The following GRM7 variants were observed in gnomAD, a reference collection of about 807,000 sequenced individuals.
The protein encoded by GRM7 is glutamate metabotropic receptor 7, also known as metabotropic glutamate receptor 7.
Under a neutral mutation model 84.5 loss-of-function variants are expected in GRM7, and 35 were observed. The ratio of observed to expected loss-of-function variants is 0.41; its 90% CI spans 0.32 to 0.55. The LOEUF (loss-of-function observed/expected upper bound fraction) is 0.55. Among genes scored for constraint, GRM7 ranks in the 20% least tolerant of loss-of-function variants. The pLI, the probability that GRM7 is intolerant of heterozygous loss-of-function variation, is 0.19. For synonymous variants in GRM7, 487 were observed against 455.1 expected (o/e 1.07, Z -0.89); for missense variants, 1,003 against 1,194.6 (o/e 0.84, Z 2.36).
chr3:6,986,142 G>A (rs573620702), intron 1 of GRM7, among the ~76,000 whole-genome samples: 10 of 152,116 alleles, frequency 6.6e-5, no homozygotes, highest in South Asian at 2.1e-4. Context: ...TTAGTAACAC[G>A]GTATTATGCA....
At chr3:7,094,358 C>G (rs1165915188) in intron 1 of GRM7, among the ~76,000 whole-genome samples, 1 of 152,064 alleles carries the variant, frequency 6.6e-6, no homozygotes, top group African/African-American at 2.4e-5. Context: ...GATTATGGCA[C>G]AATATCATTT....
intron 1 of GRM7, among the ~76,000 whole-genome samples, chr3:6,979,970 AAAC>A (rs1694135282): frequency 6.6e-6 from 1 of 152,196 alleles, no homozygotes; most frequent in Non-Finnish European, 1.5e-5. Context: ...CATATGAATA[AAAC>A]ATATAATTGC....
chr3:7,631,379 C>T (rs910430679), intron 8 of GRM7, among the ~76,000 whole-genome samples: 6 of 152,108 alleles, frequency 3.9e-5, no homozygotes, highest in Non-Finnish European at 8.8e-5. Flanking sequence ...ACAGAGACCA[C>T]CACAGGAGAA....
intron 5 of GRM7, 61 bp from the exon 6 acceptor site, chr3:7,452,546 C>A: frequency 8.8e-7 from 1 of 1,137,154 alleles, no homozygotes; most frequent in Non-Finnish European, 1.3e-6. Flanking sequence ...GGACATTCTA[C>A]TCAATGCCAA....
intron 6 of GRM7, among the ~76,000 whole-genome samples, chr3:7,453,886 G>A (rs982549576): frequency 3.3e-5 from 5 of 152,072 alleles, no homozygotes; most frequent in African/African-American, 9.7e-5. Context: ...CCAGGATATG[G>A]GGCAGGACCC....
chr3:7,680,289 C>T lies in GRM7; in HGVS notation c.2692C>T (p.Pro898Ser), dbSNP rs748216719. Residue 898 changes from proline (P) to serine (S), a missense_variant, in exon 9 of 10, where the codon CCA becomes TCA. Pro to Ser is a moderately conservative substitution (Grantham distance 74, BLOSUM62 -1). Transcript: ENST00000357716. The part of the protein sequence containing the change: ...AKTELCENVD[P>S]NSPAAKKKYV... Reference sequence around the variant, plus strand: ...GACCGAGCTCTGTGAAAACGTAGACCCAAACAGTAAGTAACTCTCCGTTTC... The same window carrying T: ...GACCGAGCTCTGTGAAAACGTAGACTCAAACAGTAAGTAACTCTCCGTTTC... 4.3e-6 allele frequency: 7 copies of T among 1,614,084 alleles called. No individual in the cohort carries two copies. In the South Asian group the frequency reaches 6.6e-5, roughly 15 times the overall value.
chr3:6,902,184 C>G (rs1401909897), intron 1 of GRM7, among the ~76,000 whole-genome samples: 1 of 152,188 alleles, frequency 6.6e-6, no homozygotes, highest in Non-Finnish European at 1.5e-5. Context: ...TACCGTGAAG[C>G]ACATACTTCT....
intron 8 of GRM7, among the ~76,000 whole-genome samples, chr3:7,633,182 C>T (rs1391229944): frequency 1.3e-5 from 2 of 152,196 alleles, no homozygotes; most frequent in Non-Finnish European, 2.9e-5. Context: ...AATTTGTGGC[C>T]AGGTGCTGCC....
At chr3:6,971,587 G>T (rs189432233) in intron 1 of GRM7, among the ~76,000 whole-genome samples, 29 of 152,322 alleles carry the variant, frequency 1.9e-4, no homozygotes, top group African/African-American at 6.7e-4. Context: ...TATAGTAAAA[G>T]AGTGTAATAT....
In GRM7 at chr3:7,367,283, A is replaced by G. The variant is rs907287695; in HGVS notation, c.1034-47740A>G. On this transcript the variant is annotated intron_variant, in intron 4 of 9. Transcript: ENST00000357716. ...TTGCTTATTCTGTATGTACGACACC[A>G]TTGCTATATTTCCAGTGATTTTTTT... 1.1e-4 allele frequency among the ~76,000 whole-genome samples: 17 copies of G among 151,720 alleles called. 1 individual carries two copies. The highest frequency in any genetic ancestry group is 4.1e-4 in the African/African-American group (17 of 41,464).
chr3:7,483,189 G>C (rs1423910060), intron 7 of GRM7, among the ~76,000 whole-genome samples: 1 of 152,160 alleles, frequency 6.6e-6, no homozygotes, highest in Non-Finnish European at 1.5e-5. Flanking sequence ...TGAGGTTTCT[G>C]ATCATATGGA....
At position 7,336,408 on chromosome 3, in the gene GRM7, C is replaced by T. The variant is rs916340454; in HGVS notation, c.1033+29756C>T. Among the ~76,000 whole-genome samples, 7 of 151,954 alleles carry T rather than the reference C, an allele frequency of 4.6e-5. No homozygotes were observed. In the South Asian group the frequency reaches 1.0e-3, roughly 23 times the overall value. Reference sequence around the variant, plus strand: ...GGACATACCTTAAGGTAATAAAAGCCATCTGTGACAAACCCACAGTCAACA... The same window carrying T: ...GGACATACCTTAAGGTAATAAAAGCTATCTGTGACAAACCCACAGTCAACA... On this transcript the variant is annotated intron_variant, in intron 4 of 9. Transcript: ENST00000357716.
At chr3:7,679,584 T>C (rs1467954069) in intron 8 of GRM7, among the ~76,000 whole-genome samples, 2 of 152,126 alleles carry the variant, frequency 1.3e-5, no homozygotes, top group South Asian at 2.1e-4. Flanking sequence ...GAAAACAATA[T>C]AAAAAGAGAC....
intron 1 of GRM7, among the ~76,000 whole-genome samples, chr3:6,922,422 T>C (rs1432449121): frequency 6.6e-6 from 1 of 152,238 alleles, no homozygotes; most frequent in East Asian, 1.9e-4. Context: ...TCTCCAACTG[T>C]AATACTTCAT....
chr3:7,558,512 G>T (rs770338027), intron 7 of GRM7, among the ~76,000 whole-genome samples: 3 of 152,060 alleles, frequency 2.0e-5, no homozygotes, highest in Non-Finnish European at 4.4e-5. Flanking sequence ...ATTTATCCCA[G>T]TGTGAGGGAA....
chr3:6,945,669 A>G (rs1042892307), intron 1 of GRM7, among the ~76,000 whole-genome samples: 3 of 152,114 alleles, frequency 2.0e-5, no homozygotes, highest in African/African-American at 7.2e-5. Flanking sequence ...ACTAGTTTAC[A>G]GTCCCACCAA....
At position 7,452,755 on chromosome 3, in the gene GRM7, G is replaced by C. The variant is rs1697826998; in HGVS notation, c.1323G>C (p.Glu441Asp). Residue 441 changes from glutamate to aspartate, a missense_variant, in exon 6 of 10, where the codon GAG becomes GAC. Coordinates refer to ENST00000357716, the MANE Select transcript of GRM7 (RefSeq NM_000844.4). The part of the protein sequence containing the change: ...ADYRGVCPEM[E>D]QAGGKKLLKY... ...ACCGGGGTGTCTGCCCAGAGATGGA[G>C]CAAGCTGGAGGCAAGAAGTTGCTGA... 6.2e-7 allele frequency: 1 copy of C among 1,613,394 alleles called. No individual in the cohort carries two copies. Among genetic ancestry groups the C allele is most frequent in the South Asian group, 1.1e-5 (1 of 91,078 alleles).
chr3:7,379,733 TG>T (rs1161149489), intron 4 of GRM7, among the ~76,000 whole-genome samples: 1 of 152,214 alleles, frequency 6.6e-6, no homozygotes, highest in African/African-American at 2.4e-5. Flanking sequence ...CAACCACTTT[TG>T]GGAACATGTT....
intron 4 of GRM7, among the ~76,000 whole-genome samples, chr3:7,372,256 AAAC>A (rs1245435201): frequency 6.6e-6 from 1 of 152,176 alleles, no homozygotes; most frequent in Admixed American, 6.6e-5. Flanking sequence ...GATGTTAGCA[AAAC>A]AATCACGTAA....
Sources: gnomAD v4.1 joint callset for allele counts (sites outside exome capture counted in the v4.1 genomes callset) on GRCh38, gnomAD v4.1.1 for gene constraint, MANE v1.5 for transcripts, NCBI Gene and HGNC (gene_info 2026-07-23, HGNC 2026-07-21) for gene names.